The following MLYCD variants were observed in gnomAD, a reference collection of about 807,000 sequenced individuals.
MLYCD encodes the protein malonyl-CoA decarboxylase, mitochondrial.
MLYCD carries 27 observed loss-of-function variants against 35.8 expected under a neutral mutation model. That is an observed-to-expected ratio of 0.75 (90% CI 0.56 to 1.04). MLYCD has a LOEUF of 1.04. MLYCD is among the 50% of genes least tolerant of loss of function. MLYCD has a pLI of 0.00. For synonymous variants in MLYCD, 403 were observed against 302.4 expected (o/e 1.33, Z -3.45); for missense variants, 917 against 665.1 (o/e 1.38, Z -4.17).
In MLYCD at chr16:83,918,347, C is replaced by G. The variant is rs140545277; in HGVS notation, c.*2858C>G. On this transcript the variant is annotated 3_prime_UTR_variant, in exon 5 of 5. Transcript: ENST00000262430. ...CACAGTGCACAGGAGAACACGCACA[C>G]GGTGCACAGGAGAACACGCACACAT... 7.0e-6 allele frequency: 1 copy of G among 143,550 alleles called. No homozygotes were observed. The highest frequency in any genetic ancestry group is 2.6e-5 in the African/African-American group (1 of 38,162). The allele number at this position is 143,550 out of a possible 1,614,324, so 8.9% of individuals were successfully genotyped here.
At chr16:83,911,888 G>A (rs977822985) in intron 3 of MLYCD, 11 of 356,710 alleles carry the variant, frequency 3.1e-5, no homozygotes, top group East Asian at 1.4e-4. Flanking sequence ...AGTGTTGGCC[G>A]GAGAGTTTAT....
chr16:83,911,808 ACGT>A (rs1907189234), intron 3 of MLYCD: 1 of 239,370 alleles, frequency 4.2e-6, no homozygotes, highest in Non-Finnish European at 8.3e-6. Flanking sequence ...GTGGTGGGAA[ACGT>A]CAGTCCTTTA....
chr16:83,911,888 GGA>G, intron 3 of MLYCD: 1 of 356,828 alleles, frequency 2.8e-6, no homozygotes, highest in South Asian at 2.4e-5. Context: ...AGTGTTGGCC[GGA>G]GAGTTTATGG....
chr16:83,911,926 C>G, intron 3 of MLYCD: 1 of 423,372 alleles, frequency 2.4e-6, no homozygotes, highest in South Asian at 2.1e-5. Flanking sequence ...GCACAAAGGC[C>G]TAAAAGAGAC....
chr16:83,921,219 T>G lies in MLYCD; in HGVS notation c.*5730T>G. The G allele has an allele frequency of 7.3e-6, 1 of 137,022 alleles. No homozygotes were observed. The allele number at this position is 137,022 out of a possible 1,614,324, so 8.5% of individuals were successfully genotyped here. A position where few individuals can be genotyped will look rare whatever the true frequency, so the allele number is the denominator to read the frequency against. ...GATGGATGGAATGATGGATGGGTGG[T>G]AGAGGGTGGATGGAAGGAAGATGGA... On this transcript the variant is annotated 3_prime_UTR_variant, in exon 5 of 5. Coordinates refer to ENST00000262430, the MANE Select transcript of MLYCD (RefSeq NM_012213.3).
Position 83,899,335 on chromosome 16 carries a change from C to A in MLYCD, c.191C>A (p.Ala64Asp). The A allele has an allele frequency of 1.3e-6, 2 of 1,510,610 alleles. No individual in the cohort carries two copies. Among genetic ancestry groups the A allele is most frequent in the Non-Finnish European group, 1.8e-6 (2 of 1,137,286 alleles). 93.6% of individuals were successfully genotyped at this position (1,510,610 alleles called of 1,614,324 possible). Residue 64 changes from alanine to aspartate, a missense_variant, in exon 1 of 5, where the codon GCC becomes GAC. Coordinates refer to ENST00000262430, the MANE Select transcript of MLYCD (RefSeq NM_012213.3). ...YELREKTPAP[A>D]EGQCADFVSF... ...CTGCGCGAGAAGACACCGGCGCCCG[C>A]CGAGGGTCAGTGCGCGGACTTCGTG...
At chr16:83,906,142 T>G (rs1198427945) in intron 1 of MLYCD, among the ~76,000 whole-genome samples, 1 of 152,158 alleles carries the variant, frequency 6.6e-6, no homozygotes, top group African/African-American at 2.4e-5. Context: ...ATCCCAGCAC[T>G]TTGAGAGGCC....
rs545948720 is a variant in MLYCD at position 83,921,098 on chromosome 16, AGATGGATG to A, written c.*5624_*5631del. The A allele has an allele frequency of 6.8e-6, 1 of 146,098 alleles. No homozygotes were observed. The highest frequency in any genetic ancestry group is 1.5e-5 in the Non-Finnish European group (1 of 66,448). The allele number at this position is 146,098 out of a possible 1,614,324, so 9.1% of individuals were successfully genotyped here. On this transcript the variant is annotated 3_prime_UTR_variant, in exon 5 of 5. Transcript: ENST00000262430. ...GAAGGAAGATGGTTGGATGGATGGA[AGATGGATG>A]GATGGATGGATGGAGGGTAGAGTTT...
In MLYCD at chr16:83,915,784, C is replaced by T. The variant is rs1907363687; in HGVS notation, c.*295C>T. 1.5e-6 allele frequency: 2 copies of T among 1,305,836 alleles called. No homozygotes were observed. The highest frequency in any genetic ancestry group is 2.0e-6 in the Non-Finnish European group (2 of 1,018,536). The allele number at this position is 1,305,836 out of a possible 1,614,324, so 80.9% of individuals were successfully genotyped here. The stretch of plus-strand genomic sequence containing the variant: ...CCTGGCTCCCTGCCCGGGGCTGGTG[C>T]TGTGGTACCTACATCTTCAGGAAGC... On this transcript the variant is annotated 3_prime_UTR_variant, in exon 5 of 5. Transcript: ENST00000262430.
intron 4 of MLYCD, chr16:83,914,579 A>T (rs1409631453): frequency 1.2e-5 from 4 of 332,752 alleles, no homozygotes; most frequent in African/African-American, 8.6e-5. Flanking sequence ...TGCCTTGGGG[A>T]GTCAGGATGC....
intron 1 of MLYCD, among the ~76,000 whole-genome samples, chr16:83,906,448 C>T (rs1252293393): frequency 6.6e-6 from 1 of 152,140 alleles, no homozygotes; most frequent in East Asian, 1.9e-4. Context: ...AAGATGCATC[C>T]TGACTTGAGA....
Position 83,915,414 on chromosome 16 carries a change from C to G in MLYCD, c.1407C>G (p.Leu469=), listed in dbSNP as rs1284175368. The change falls in exon 5 of 5, where the codon CTC becomes CTG. Residue 469 remains leucine (L), a synonymous_variant. Transcript: ENST00000262430. ...EETGPNSTSY[L]GSKIIKASEQ... ...CGGGCCCCAACAGCACCTCCTACCT[C>G]GGCTCCAAGATCATCAAAGCCTCTG... The G allele has an allele frequency of 1.9e-6, 3 of 1,613,834 alleles. No individual in the cohort carries two copies. The highest frequency in any genetic ancestry group is 1.7e-6 in the Non-Finnish European group (2 of 1,180,046).
Position 83,924,696 on chromosome 16 carries a change from G to A in MLYCD, c.*9207G>A, listed in dbSNP as rs1344223435. 2 of 152,138 alleles carry A rather than the reference G, an allele frequency of 1.3e-5. No individual in the cohort carries two copies. The highest frequency in any genetic ancestry group is 6.5e-5 in the Admixed American group (1 of 15,280). The allele number at this position is 152,138 out of a possible 1,614,324, so 9.4% of individuals were successfully genotyped here. ...CCAGAGCCATGTTTATTTAAGCGGC[G>A]CTGCTCCAGAGAGAACTGGCCATTT... is the stretch of plus-strand genomic sequence containing the variant. On this transcript the variant is annotated 3_prime_UTR_variant, in exon 5 of 5. Transcript: ENST00000262430.
In MLYCD at chr16:83,915,105, C is replaced by A. The variant is rs199549095; in HGVS notation, c.1098C>A (p.Ile366=). 1 of 1,614,262 alleles carries A rather than the reference C, an allele frequency of 6.2e-7. No individual in the cohort carries two copies. Among genetic ancestry groups the A allele is most frequent in the Non-Finnish European group, 8.5e-7 (1 of 1,180,052 alleles). ...CGGAATGTAAGGAAATCTCGGAGAT[C>A]ACAGGTGGCCCCATTAACGAGACCC... ...TDSECKEISE[I]TGGPINETLK... The change falls in exon 5 of 5, where the codon ATC becomes ATA. Residue 366 remains isoleucine (I), a synonymous_variant. Transcript: ENST00000262430.
intron 1 of MLYCD, among the ~76,000 whole-genome samples, chr16:83,901,426 C>G (rs116468139): frequency 2.9e-4 from 44 of 152,314 alleles, no homozygotes; most frequent in African/African-American, 1.0e-3. Flanking sequence ...ACTTGACACA[C>G]TAATCATTCA....
chr16:83,914,977 G>T lies in MLYCD; in HGVS notation c.970G>T (p.Val324Leu). The T allele has an allele frequency of 6.2e-7, 1 of 1,614,230 alleles. No individual in the cohort carries two copies. The highest frequency in any genetic ancestry group is 8.5e-7 in the Non-Finnish European group (1 of 1,180,042). Residue 324 changes from valine to leucine, a missense_variant, in exon 5 of 5, where the codon GTG (valine) becomes TTG (leucine). Transcript: ENST00000262430. The stretch of plus-strand genomic sequence containing the variant: ...ACAGAGAGAGTTTCCTCACCTTGGG[G>T]TGTTTTCAAGTCTGTCACCTATACC... ...ELQREFPHLG[V>L]FSSLSPIPGF...
Position 83,925,378 on chromosome 16 carries a change from G to T in MLYCD, c.*9889G>T. The T allele has an allele frequency of 6.6e-6, 1 of 152,594 alleles. No individual in the cohort carries two copies. The highest frequency in any genetic ancestry group is 1.5e-5 in the Non-Finnish European group (1 of 68,306). The allele number at this position is 152,594 out of a possible 1,614,324, so 9.5% of individuals were successfully genotyped here. On this transcript the variant is annotated 3_prime_UTR_variant, in exon 5 of 5. Coordinates refer to ENST00000262430, the MANE Select transcript of MLYCD (RefSeq NM_012213.3). ...ACCTCCCACCCGTCCCCGGGCCCCT[G>T]GACAGACCACTGGCCTTGTTCTCTT...
At chr16:83,902,565 G>A (rs1272056038) in intron 1 of MLYCD, among the ~76,000 whole-genome samples, 3 of 143,986 alleles carry the variant, frequency 2.1e-5, no homozygotes, top group African/African-American at 7.7e-5. Flanking sequence ...GAGTGCAGCA[G>A]CACAATCTCT....
intron 1 of MLYCD, among the ~76,000 whole-genome samples, chr16:83,905,873 A>T (rs1382622701): frequency 6.6e-6 from 1 of 152,212 alleles, no homozygotes; most frequent in African/African-American, 2.4e-5. Context: ...TGCAGGCAGC[A>T]CCGAGGCGAC....
Sources: allele counts gnomAD v4.1 joint callset (sites outside exome capture counted in the v4.1 genomes callset), GRCh38; gene constraint gnomAD v4.1.1; transcripts MANE v1.5; gene names NCBI Gene and HGNC (gene_info 2026-07-23, HGNC 2026-07-21).